Variants in ILDR1 observed in about 807,000 individuals in gnomAD.
The protein encoded by ILDR1 is immunoglobulin like domain containing receptor 1, also known as immunoglobulin-like domain-containing receptor 1.
In ILDR1, 56 loss-of-function variants were observed where a neutral mutation model predicts 62.4. The ratio of observed to expected loss-of-function variants is 0.90; its 90% CI spans 0.72 to 1.12. ILDR1 has a LOEUF of 1.12. ILDR1 is among the 50% of genes most tolerant of loss of function. The pLI is 0.00. For synonymous variants in ILDR1, 284 were observed against 277.8 expected, an observed-to-expected ratio of 1.02 and a Z score of -0.22; for missense variants, 736 against 710.6, an observed-to-expected ratio of 1.04 and a Z score of -0.41.
chr3:122,008,484 A>G (rs2071647895), intron 1 of ILDR1, among the ~76,000 whole-genome samples: 1 of 152,212 alleles, frequency 6.6e-6, no homozygotes, highest in African/African-American at 2.4e-5. Context: ...AGGACTTGTG[A>G]CAGCCCAGAT....
intron 5 of ILDR1, among the ~76,000 whole-genome samples, chr3:121,995,710 C>T (rs2071426327): frequency 6.6e-6 from 1 of 152,198 alleles, no homozygotes; most frequent in East Asian, 1.9e-4. Context: ...GCAGAGATGC[C>T]TCTCCCTAGC....
chr3:122,042,914 GTT>G, the ILDR1 span, among the ~76,000 whole-genome samples: 1 of 151,572 alleles, frequency 6.6e-6, no homozygotes, highest in Non-Finnish European at 1.5e-5. Context: ...AAGCTCTTTA[GTT>G]TAATTAGATC....
intron 5 of ILDR1, among the ~76,000 whole-genome samples, chr3:121,998,038 G>T (rs939178740): frequency 6.6e-6 from 1 of 152,200 alleles, no homozygotes; most frequent in Admixed American, 6.5e-5. Flanking sequence ...TCTGCATCTA[G>T]AATTTTGATT....
chr3:122,038,585 C>T, the ILDR1 span, among the ~76,000 whole-genome samples: 1 of 151,876 alleles, frequency 6.6e-6, no homozygotes, highest in Non-Finnish European at 1.5e-5. Context: ...TAACTTGCAA[C>T]AAAAAACTAT....
the ILDR1 span, among the ~76,000 whole-genome samples, chr3:122,048,215 A>C: frequency 6.6e-6 from 1 of 152,204 alleles, no homozygotes. Context: ...TGAGATGACC[A>C]TATGATTTTA....
chr3:121,998,459 G>A (rs137990639), intron 5 of ILDR1, among the ~76,000 whole-genome samples: 30 of 152,232 alleles, frequency 2.0e-4, no homozygotes, highest in African/African-American at 7.2e-4. Flanking sequence ...CTTTGAAAGT[G>A]ACCTCATCGG....
the ILDR1 span, among the ~76,000 whole-genome samples, chr3:122,046,490 C>T: frequency 7.2e-6 from 1 of 138,950 alleles, no homozygotes; most frequent in Non-Finnish European, 1.6e-5. Context: ...GGGAAGTTCT[C>T]CTGGATAATA....
At chr3:122,047,370 T>C in the ILDR1 span, among the ~76,000 whole-genome samples, 1 of 152,248 alleles carries the variant, frequency 6.6e-6, no homozygotes, top group East Asian at 1.9e-4. Flanking sequence ...TGCTGTCTTT[T>C]TGTCTGTGCC....
At chr3:122,008,573 CTTTTCTTTTCTTTTCTTTTCTTT>C (rs2071650144) in intron 1 of ILDR1, among the ~76,000 whole-genome samples, 1 of 99,616 alleles carries the variant, frequency 1.0e-5, no homozygotes, top group Admixed American at 1.5e-4. Context: ...TATTTCTTTT[CTTTTCTTTTCTTTTCTTTTCTTT>C]TTTTTTTTTT....
chr3:122,021,971 C>A, intron 1 of ILDR1, 49 bp downstream of exon 1: 4 of 1,558,916 alleles, frequency 2.6e-6, no homozygotes, highest in Non-Finnish European at 3.5e-6. Context: ...GCCACAATGG[C>A]TTCCTGTCTC....
the ILDR1 span, among the ~76,000 whole-genome samples, chr3:122,051,250 T>C: frequency 1.3e-5 from 2 of 152,220 alleles, no homozygotes; most frequent in East Asian, 3.8e-4. Flanking sequence ...ACTGCTCTAA[T>C]AGATATATTG....
At chr3:121,994,866 A>G (rs1336938555) in intron 5 of ILDR1, among the ~76,000 whole-genome samples, 3 of 152,158 alleles carry the variant, frequency 2.0e-5, no homozygotes, top group Middle Eastern at 3.2e-3. Flanking sequence ...GGGTGGAAGA[A>G]AGTTTGTGGG....
the ILDR1 span, among the ~76,000 whole-genome samples, chr3:122,028,371 T>C: frequency 6.6e-6 from 1 of 150,910 alleles, no homozygotes; most frequent in Non-Finnish European, 1.5e-5. Context: ...GAAAACTGCT[T>C]GGTATGGAAA....
intron 1 of ILDR1, among the ~76,000 whole-genome samples, chr3:122,008,934 CT>C (rs946827133): frequency 2.0e-5 from 3 of 150,736 alleles, no homozygotes; most frequent in South Asian, 2.1e-4. Context: ...TTCTTTCTTT[CT>C]TTTTTTCTTT....
At chr3:122,030,346 G>GGA in the ILDR1 span, among the ~76,000 whole-genome samples, 1 of 151,848 alleles carries the variant, frequency 6.6e-6, no homozygotes. Context: ...GGGAGGGGAG[G>GGA]GAGAGAGAGA....
chr3:122,041,027 TG>T, the ILDR1 span, among the ~76,000 whole-genome samples: 2 of 152,172 alleles, frequency 1.3e-5, no homozygotes, highest in African/African-American at 4.8e-5. Flanking sequence ...TTTAAAAAAC[TG>T]TTATCCGAAA....
chr3:122,048,768 A>C, the ILDR1 span, among the ~76,000 whole-genome samples: 2 of 152,050 alleles, frequency 1.3e-5, no homozygotes, highest in Non-Finnish European at 2.9e-5. Context: ...ATCAATTGCA[A>C]TGTCTCCTGT....
chr3:122,001,130 C>T (rs915675430), intron 5 of ILDR1, among the ~76,000 whole-genome samples, 178 bp downstream of exon 5: 2 of 152,184 alleles, frequency 1.3e-5, no homozygotes, highest in Admixed American at 1.3e-4. Context: ...TTCCATGTGG[C>T]TACCTAGCCT....
At chr3:122,018,406 A>AGGGG (rs2071808965) in intron 1 of ILDR1, among the ~76,000 whole-genome samples, 2 of 99,404 alleles carry the variant, frequency 2.0e-5, no homozygotes, top group African/African-American at 3.8e-5. Flanking sequence ...GGGGGGGGGT[A>AGGGG]GGGGAGGGAT....
Sources: gnomAD v4.1 joint callset for allele counts (sites outside exome capture counted in the v4.1 genomes callset) on GRCh38, gnomAD v4.1.1 for gene constraint, MANE v1.5 for transcripts, NCBI Gene and HGNC (gene_info 2026-07-23, HGNC 2026-07-21) for gene names.